SGCD: variants seen among roughly 807,000 people sequenced by gnomAD.
The protein encoded by SGCD is sarcoglycan delta.
Under a neutral mutation model 36.6 loss-of-function variants are expected in SGCD, and 18 were observed. The ratio of observed to expected loss-of-function variants is 0.49; its 90% CI spans 0.34 to 0.73. The LOEUF (loss-of-function observed/expected upper bound fraction) is 0.73, where lower values mean the gene tolerates loss of function less well. Among genes scored for constraint, SGCD ranks in the 30% least tolerant of loss-of-function variants. The probability of loss-of-function intolerance (pLI) is 0.01; values close to 1 mark genes in which losing one functional copy is unlikely to be tolerated. For missense variants in SGCD, 387 were observed against 346.7 expected (o/e 1.12, Z -0.92); for synonymous variants, 133 against 130.6 (o/e 1.02, Z -0.12).
intron 1 of SGCD, among the ~76,000 whole-genome samples, chr5:155,983,340 C>A (rs764698785): frequency 6.6e-6 from 1 of 152,194 alleles, no homozygotes; most frequent in Non-Finnish European, 1.5e-5. Context: ...CACTCTATCA[C>A]CCAGGCTGGA....
chr5:155,791,626 G>A, the SGCD span, among the ~76,000 whole-genome samples: 22 of 152,046 alleles, frequency 1.4e-4, no homozygotes, highest in Non-Finnish European at 1.5e-5. Flanking sequence ...CATTCTAGCT[G>A]AGAGCCAAAT....
At chr5:156,342,638 C>G (rs1768724952) in intron 2 of SGCD, among the ~76,000 whole-genome samples, 1 of 152,198 alleles carries the variant, frequency 6.6e-6, no homozygotes, top group African/African-American at 2.4e-5. Flanking sequence ...TATAACACAT[C>G]CCTGATCTGC....
chr5:155,938,921 T>G (rs1757269806), intron 1 of SGCD, among the ~76,000 whole-genome samples: 1 of 152,258 alleles, frequency 6.6e-6, no homozygotes, highest in African/African-American at 2.4e-5. Flanking sequence ...AAATCCTGTA[T>G]TTTCTTTCCT....
the SGCD span, among the ~76,000 whole-genome samples, chr5:155,849,537 C>T: frequency 3.3e-5 from 5 of 152,102 alleles, no homozygotes; most frequent in African/African-American, 1.2e-4. Flanking sequence ...CCTGTGGACT[C>T]TTTAATGGTA....
intron 7 of SGCD, among the ~76,000 whole-genome samples, chr5:156,703,060 A>G (rs192778162): frequency 2.0e-5 from 3 of 152,282 alleles, no homozygotes; most frequent in Non-Finnish European, 4.4e-5. Flanking sequence ...ACCCCCACCC[A>G]TGGGATTGGG....
At chr5:156,553,386 T>C (rs1402981744) in intron 4 of SGCD, among the ~76,000 whole-genome samples, 1 of 152,218 alleles carries the variant, frequency 6.6e-6, no homozygotes, top group South Asian at 2.1e-4. Context: ...GGAATAAGTT[T>C]CCCTGATTTG....
rs139912613 is a variant in SGCD at position 156,164,126 on chromosome 5, C to G, written c.-44+40107C>G. The stretch of plus-strand genomic sequence containing the variant: ...GCTAATACCATTTTATAAAATGACT[C>G]TAAAATGAGTCTATTTACAGTCTTG... On this transcript the variant is annotated intron_variant, in intron 3 of 9. Transcript: ENST00000517913. 1.8e-3 allele frequency among the ~76,000 whole-genome samples: 268 copies of G among 151,428 alleles called. 13 individuals carry two copies. Among genetic ancestry groups the G allele is most frequent in the African/African-American group, 6.2e-3 (254 of 40,890 alleles).
At chr5:155,863,088 C>T in the SGCD span, among the ~76,000 whole-genome samples, 1 of 152,086 alleles carries the variant, frequency 6.6e-6, no homozygotes, top group Non-Finnish European at 1.5e-5. Flanking sequence ...GGAGTGGATG[C>T]TTGGGATACT....
At chr5:156,216,807 G>A (rs1256951804) in intron 3 of SGCD, among the ~76,000 whole-genome samples, 2 of 152,188 alleles carry the variant, frequency 1.3e-5, no homozygotes, top group African/African-American at 4.8e-5. Context: ...GGCCGGGCGT[G>A]GTGGCTCACG....
At chr5:156,237,593 C>A (rs937480616) in intron 3 of SGCD, among the ~76,000 whole-genome samples, 1 of 152,048 alleles carries the variant, frequency 6.6e-6, no homozygotes, top group Admixed American at 6.5e-5. Flanking sequence ...CCACTGAACA[C>A]CAGCCTGGGC....
chr5:155,756,658 G>A, the SGCD span, among the ~76,000 whole-genome samples: 2 of 152,154 alleles, frequency 1.3e-5, no homozygotes, highest in Non-Finnish European at 2.9e-5. Context: ...TTGTTGCCCA[G>A]CCACAGTTGC....
chr5:155,988,681 T>G (rs1758379437), intron 1 of SGCD, among the ~76,000 whole-genome samples: 1 of 152,178 alleles, frequency 6.6e-6, no homozygotes, highest in Non-Finnish European at 1.5e-5. Context: ...TATTGAAGAT[T>G]AAAAGATGTT....
chr5:155,730,359 A>G, the SGCD span, among the ~76,000 whole-genome samples: 1 of 151,900 alleles, frequency 6.6e-6, no homozygotes, highest in African/African-American at 2.4e-5. Flanking sequence ...TAGGTTGGGG[A>G]CAATTATCCG....
chr5:156,165,862 A>G (rs576533897), intron 3 of SGCD, among the ~76,000 whole-genome samples: 9 of 152,370 alleles, frequency 5.9e-5, no homozygotes, highest in Non-Finnish European at 1.2e-4. Context: ...GAAAAAGGAA[A>G]CATCTTAATT....
At chr5:156,240,913 A>G (rs1311178206) in intron 3 of SGCD, among the ~76,000 whole-genome samples, 1 of 152,190 alleles carries the variant, frequency 6.6e-6, no homozygotes, top group Non-Finnish European at 1.5e-5. Flanking sequence ...GTATTTGAGA[A>G]GTTGAAGAAT....
At chr5:155,843,656 A>G in the SGCD span, among the ~76,000 whole-genome samples, 30 of 152,354 alleles carry the variant, frequency 2.0e-4, 1 homozygote, top group South Asian at 4.6e-3. Context: ...GGCAAGAACA[A>G]TATAGAAGAG....
At chr5:156,346,491 T>C (rs1001159924) in intron 3 of SGCD, among the ~76,000 whole-genome samples, 2 of 152,034 alleles carry the variant, frequency 1.3e-5, no homozygotes, top group East Asian at 3.9e-4. Context: ...TAGAGATGGG[T>C]GTCTCACTGT....
At chr5:156,126,405 A>G (rs1489912913) in intron 3 of SGCD, among the ~76,000 whole-genome samples, 1 of 152,198 alleles carries the variant, frequency 6.6e-6, no homozygotes, top group Non-Finnish European at 1.5e-5. Context: ...GGACTTGGCT[A>G]TAAAAATTTT....
At chr5:156,538,381 T>C (rs1758207216) in intron 4 of SGCD, among the ~76,000 whole-genome samples, 1 of 152,120 alleles carries the variant, frequency 6.6e-6, no homozygotes, top group African/African-American at 2.4e-5. Flanking sequence ...AATTTGAAAA[T>C]GTAGGTCAAG....
Sources: allele counts gnomAD v4.1 joint callset (sites outside exome capture counted in the v4.1 genomes callset), GRCh38; gene constraint gnomAD v4.1.1; transcripts MANE v1.5; gene names NCBI Gene and HGNC (gene_info 2026-07-23, HGNC 2026-07-21).